Variants in VCAN observed in about 807,000 individuals in gnomAD.
VCAN encodes the protein versican, also known as versican core protein.
VCAN carries 44 observed loss-of-function variants against 245.5 expected under a neutral mutation model. The observed-to-expected ratio is 0.18, with a 90% CI of 0.14 to 0.23. The LOEUF is 0.23. Among genes scored for constraint, VCAN ranks in the 10% least tolerant of loss-of-function variants. The pLI, the probability that VCAN is intolerant of heterozygous loss-of-function variation, is 1.00. For missense variants in VCAN, 3,793 were observed against 4,057.9 expected (o/e 0.93, Z 1.77); for synonymous variants, 1,413 against 1,437.0 (o/e 0.98, Z 0.38).
At chr5:83,473,656 A>G (rs576155894) in intron 1 of VCAN, among the ~76,000 whole-genome samples, 1 of 152,174 alleles carries the variant, frequency 6.6e-6, no homozygotes, top group Non-Finnish European at 1.5e-5. Context: ...ATCTGCCCCC[A>G]GTTCAGCTCA....
At chr5:83,480,289 G>T (rs1014909994) in intron 1 of VCAN, among the ~76,000 whole-genome samples, 1 of 152,098 alleles carries the variant, frequency 6.6e-6, no homozygotes, top group East Asian at 1.9e-4. Context: ...CCCAACAAAA[G>T]ACACTTTTAT....
chr5:83,562,790 G>A (rs1747916656), intron 12 of VCAN, among the ~76,000 whole-genome samples: 1 of 152,088 alleles, frequency 6.6e-6, no homozygotes, highest in Non-Finnish European at 1.5e-5. Context: ...TTCATTCTAT[G>A]GATTAAATGC....
chr5:83,524,402 C>T lies in VCAN; in HGVS notation c.4003+2093C>T, dbSNP rs866818632. Among the ~76,000 whole-genome samples, 5 of 152,072 alleles carry T rather than the reference C, an allele frequency of 3.3e-5. No homozygotes were observed. In the Middle Eastern group the frequency reaches 0.01, roughly 310 times the overall value. ...GCATAATAATATTAGGTCAGAAAAC[C>T]GTGCAATACTTGGTTACTTCCATCA... On this transcript the variant is annotated intron_variant, in intron 7 of 14. Transcript: ENST00000265077.
intron 12 of VCAN, among the ~76,000 whole-genome samples, chr5:83,564,982 C>T (rs1252986334): frequency 2.6e-5 from 4 of 152,008 alleles, no homozygotes; most frequent in Non-Finnish European, 4.4e-5. Flanking sequence ...GTGACTGCAC[C>T]TAAGCTGAAA....
intron 1 of VCAN, among the ~76,000 whole-genome samples, chr5:83,482,806 T>C (rs993767048): frequency 6.6e-6 from 1 of 152,204 alleles, no homozygotes; most frequent in Non-Finnish European, 1.5e-5. Flanking sequence ...GTACAGGGTA[T>C]TTTCTTTCAT....
At chr5:83,493,190 T>C (rs957304268) in intron 3 of VCAN, among the ~76,000 whole-genome samples, 1 of 152,250 alleles carries the variant, frequency 6.6e-6, no homozygotes, top group African/African-American at 2.4e-5. Context: ...CTTAGGTCTT[T>C]GTATCTTCTG....
At chr5:83,570,727 T>C (rs1322995094) in intron 12 of VCAN, among the ~76,000 whole-genome samples, 3 of 151,948 alleles carry the variant, frequency 2.0e-5, no homozygotes, top group Non-Finnish European at 4.4e-5. Context: ...AGTACTTTGG[T>C]AAATACAGTA....
chr5:83,573,565 T>C (rs1485308770), intron 13 of VCAN, among the ~76,000 whole-genome samples: 1 of 152,144 alleles, frequency 6.6e-6, no homozygotes, highest in Non-Finnish European at 1.5e-5. Flanking sequence ...TTTAAAGACA[T>C]TTATTTACAT....
intron 12 of VCAN, among the ~76,000 whole-genome samples, chr5:83,560,559 T>C (rs1448178814): frequency 1.3e-5 from 2 of 152,150 alleles, no homozygotes; most frequent in Non-Finnish European, 2.9e-5. Flanking sequence ...TGGAATCATT[T>C]ATATTTATCT....
chr5:83,515,065 T>C (rs34580448), intron 6 of VCAN, among the ~76,000 whole-genome samples: 4,292 of 152,352 alleles, frequency 0.028, 90 homozygotes, highest in Non-Finnish European at 0.042. Flanking sequence ...ACAAAGTCAC[T>C]GACTAAAACA....
In VCAN at chr5:83,537,846, A is replaced by C; in HGVS notation, c.4843A>C (p.Thr1615Pro). The C allele has an allele frequency of 6.2e-7, 1 of 1,614,008 alleles. No individual in the cohort carries two copies. ...GNPWPDDLLS[T>P]KESWVEATPR... ...TCCTTGGCCAGATGACCTGTTGTCT[A>C]CCAAAGAAAGCTGGGTAGAAGCAAC... The change falls in exon 8 of 15, where the codon ACC (threonine) becomes CCC (proline). Residue 1615 changes from threonine to proline, a missense_variant. By Grantham distance (38) the Thr-to-Pro change is conservative. Transcript: ENST00000265077.
chr5:83,497,157 G>T (rs1341175369), intron 5 of VCAN, among the ~76,000 whole-genome samples: 1 of 152,130 alleles, frequency 6.6e-6, no homozygotes, highest in Admixed American at 6.6e-5. Flanking sequence ...ATTCCAGATG[G>T]TCTGATGAAA....
At chr5:83,568,785 TATC>T (rs1418607162) in intron 12 of VCAN, among the ~76,000 whole-genome samples, 1 of 152,146 alleles carries the variant, frequency 6.6e-6, no homozygotes, top group African/African-American at 2.4e-5. Flanking sequence ...ACTTGGAAAA[TATC>T]ATAAGTAAGA....
chr5:83,506,677 C>A (rs1274506064), intron 5 of VCAN, among the ~76,000 whole-genome samples: 1 of 152,176 alleles, frequency 6.6e-6, no homozygotes, highest in Non-Finnish European at 1.5e-5. Flanking sequence ...GGTATCTTTT[C>A]AGCAACACCC....
At chr5:83,551,437 G>T (rs1413495184) in intron 10 of VCAN, among the ~76,000 whole-genome samples, 2 of 151,834 alleles carry the variant, frequency 1.3e-5, no homozygotes, top group South Asian at 2.1e-4. Context: ...ACTTGAACCC[G>T]AGAAGCAGAG....
At chr5:83,559,078 C>T (rs1747770636) in intron 12 of VCAN, among the ~76,000 whole-genome samples, 1 of 152,130 alleles carries the variant, frequency 6.6e-6, no homozygotes, top group Admixed American at 6.6e-5. Context: ...TTATTGGAAA[C>T]CCTAACAAAT....
rs1233521831 is a variant in VCAN at position 83,580,036 on chromosome 5, C to G, written c.9937C>G (p.Pro3313Ala). ...TGCCAAGACCTTTGGAAAGATGAAA[C>G]CTCGTTATGAAATCAACTCCCTGAT... ...ENAKTFGKMKPRYEINSLIRY... is the reference protein window; with the variant it reads ...ENAKTFGKMKARYEINSLIRY... The change falls in exon 14 of 15, where the codon CCT becomes GCT. Residue 3313 changes from proline (P) to alanine (A), a missense_variant. By Grantham distance (27) the Pro-to-Ala change is conservative. Around this residue, in one of 5 missense-constraint regions of VCAN, gnomAD observed 205 missense variants for 321.1 expected, o/e 0.64. Transcript: ENST00000265077. 6.2e-7 allele frequency: 1 copy of G among 1,613,986 alleles called. No individual in the cohort carries two copies. The highest frequency in any genetic ancestry group is 8.5e-7 in the Non-Finnish European group (1 of 1,180,002).
At position 83,565,160 on chromosome 5, in the gene VCAN, A is replaced by G. The variant is rs552967019; in HGVS notation, c.9736-7256A>G. ...GCACAAATTTGAACTGTACCCAATG[A>G]CTGGCTAGTGTGTAAAAACTCTCAG... On this transcript the variant is annotated intron_variant, in intron 12 of 14. Transcript: ENST00000265077. 3.9e-5 allele frequency among the ~76,000 whole-genome samples: 6 copies of G among 152,274 alleles called. No individual in the cohort carries two copies. The South Asian group carries it at 1.2e-3, about 32-fold the overall frequency.
chr5:83,526,085 GCCTGCCA>G (rs1204048991), intron 7 of VCAN, among the ~76,000 whole-genome samples: 1 of 146,716 alleles, frequency 6.8e-6, no homozygotes, highest in African/African-American at 2.5e-5. Flanking sequence ...GATTACAGGC[GCCTGCCA>G]CCATGCCTGG....
Sources: gnomAD v4.1 joint callset for allele counts (sites outside exome capture counted in the v4.1 genomes callset) on GRCh38, gnomAD v4.1.1 for gene constraint, gnomAD v4.1.1 regional missense constraint, MANE v1.5 for transcripts, NCBI Gene and HGNC (gene_info 2026-07-23, HGNC 2026-07-21) for gene names.